SKA2: variants seen among roughly 807,000 people sequenced by gnomAD.
SKA2 encodes spindle and kinetochore associated complex subunit 2.
Under a neutral mutation model 16.9 loss-of-function variants are expected in SKA2, and 13 were observed. The observed-to-expected ratio is 0.77, with a 90% CI of 0.50 to 1.22. The LOEUF (loss-of-function observed/expected upper bound fraction) is 1.22, where lower values mean the gene tolerates loss of function less well. Ranked by LOEUF, SKA2 falls within the 50% of genes most tolerant of loss-of-function variation. The pLI is 0.00. For missense variants in SKA2, 107 were observed against 139.7 expected, an observed-to-expected ratio of 0.77 and a Z score of 1.18; for synonymous variants, 47 against 48.5, an observed-to-expected ratio of 0.97 and a Z score of 0.13.
intron 1 of SKA2, among the ~76,000 whole-genome samples, chr17:59,142,030 A>G (rs8067682): frequency 0.43 from 64,928 of 151,800 alleles, 15,815 homozygotes; most frequent in African/African-American, 0.67. Flanking sequence ...CCCAAGTTCA[A>G]AGCTGCACAC....
intron 1 of SKA2, among the ~76,000 whole-genome samples, chr17:59,143,608 A>G (rs965820304): frequency 6.6e-6 from 1 of 152,028 alleles, no homozygotes; most frequent in Non-Finnish European, 1.5e-5. Flanking sequence ...TCCTGACCTC[A>G]GGTGATCTGC....
intron 1 of SKA2, among the ~76,000 whole-genome samples, chr17:59,148,649 AT>A (rs1312130969): frequency 6.6e-6 from 1 of 151,600 alleles, no homozygotes; most frequent in African/African-American, 2.4e-5. Flanking sequence ...TACAAAAAAA[AT>A]TTTTTTAATT....
intron 1 of SKA2, among the ~76,000 whole-genome samples, chr17:59,138,185 T>C (rs868450788): frequency 6.6e-6 from 1 of 151,956 alleles, no homozygotes; most frequent in Non-Finnish European, 1.5e-5. Context: ...AAGTGGTATA[T>C]AAAATACAAA....
intron 2 of SKA2, among the ~76,000 whole-genome samples, chr17:59,127,588 T>C (rs2046380696): frequency 6.6e-6 from 1 of 152,024 alleles, no homozygotes; most frequent in African/African-American, 2.4e-5. Flanking sequence ...GGTTTCATCA[T>C]GTTAGCCAGG....
chr17:59,151,497 T>C (rs2046577298), intron 1 of SKA2, among the ~76,000 whole-genome samples: 1 of 152,200 alleles, frequency 6.6e-6, no homozygotes, highest in South Asian at 2.1e-4. Flanking sequence ...AGAATGGGTA[T>C]TGTTAATACT....
chr17:59,132,863 T>C (rs2046420435), intron 1 of SKA2, among the ~76,000 whole-genome samples: 1 of 152,238 alleles, frequency 6.6e-6, no homozygotes, highest in Admixed American at 6.5e-5. Context: ...CATGACACTA[T>C]ATTTATGACT....
At chr17:59,151,281 A>C (rs1324382210) in intron 1 of SKA2, 1 of 453,806 alleles carries the variant, frequency 2.2e-6, no homozygotes, top group Admixed American at 2.7e-5. Context: ...GTGAGAAACG[A>C]ATTTAAAGTA....
intron 1 of SKA2, among the ~76,000 whole-genome samples, chr17:59,137,137 C>T (rs1047073346): frequency 6.6e-6 from 1 of 152,138 alleles, no homozygotes; most frequent in Non-Finnish European, 1.5e-5. Context: ...CTGCCTAAGC[C>T]TCCTGAGTAG....
intron 2 of SKA2, among the ~76,000 whole-genome samples, chr17:59,121,146 C>T (rs2046330460): frequency 1.5e-5 from 2 of 129,796 alleles, no homozygotes; most frequent in African/African-American, 5.9e-5. Context: ...AGGGAGACTC[C>T]GTCTCAAAAA....
At position 59,125,754 on chromosome 17, in the gene SKA2, GA is replaced by G. The variant is rs200891024; in HGVS notation, c.120+5526del. 1.9e-3 allele frequency among the ~76,000 whole-genome samples: 281 copies of G among 151,538 alleles called. 6 individuals carry two copies. The highest frequency in any genetic ancestry group is 0.016 in the Admixed American group (249 of 15,204). On this transcript the variant is annotated intron_variant, in intron 2 of 3. Transcript: ENST00000330137. ...GCTAATGATAGTGCTGGTGATGGGAGAAAAGAAAAGCCAATATATGAACAAA... is the reference window on the plus strand; with the variant it reads ...GCTAATGATAGTGCTGGTGATGGGAGAAAGAAAAGCCAATATATGAACAAA...
intron 2 of SKA2, among the ~76,000 whole-genome samples, chr17:59,127,914 C>A (rs2046382655): frequency 1.3e-5 from 2 of 152,054 alleles, no homozygotes; most frequent in South Asian, 4.1e-4. Flanking sequence ...CAACTGATGA[C>A]TGGATAAGAA....
At chr17:59,121,875 G>A (rs561389392) in intron 2 of SKA2, among the ~76,000 whole-genome samples, 1 of 151,158 alleles carries the variant, frequency 6.6e-6, no homozygotes, top group East Asian at 1.9e-4. Flanking sequence ...GGGAGGCTGA[G>A]GTGGGAGAAT....
chr17:59,126,165 C>T (rs892161024), intron 2 of SKA2, among the ~76,000 whole-genome samples: 6 of 149,762 alleles, frequency 4.0e-5, no homozygotes, highest in Non-Finnish European at 5.9e-5. Context: ...AGCGAGACTC[C>T]GTCTCAAAAT....
chr17:59,152,664 C>A (rs1432588023), intron 1 of SKA2, among the ~76,000 whole-genome samples: 1 of 152,040 alleles, frequency 6.6e-6, no homozygotes, highest in Non-Finnish European at 1.5e-5. Flanking sequence ...GCACAGGAAT[C>A]ATTTACTCTT....
intron 2 of SKA2, among the ~76,000 whole-genome samples, chr17:59,128,536 G>A (rs916482588): frequency 4.6e-5 from 7 of 151,770 alleles, no homozygotes; most frequent in African/African-American, 1.7e-4. Flanking sequence ...TGAGGCAGGA[G>A]AGTTGCTTGA....
chr17:59,140,884 A>G (rs1229161587), intron 1 of SKA2, among the ~76,000 whole-genome samples: 1 of 151,300 alleles, frequency 6.6e-6, no homozygotes, highest in Non-Finnish European at 1.5e-5. Context: ...CAGCATCCCA[A>G]AGTGCTGGGA....
intron 2 of SKA2, among the ~76,000 whole-genome samples, chr17:59,129,778 C>T (rs892883435): frequency 1.9e-4 from 29 of 151,382 alleles, no homozygotes; most frequent in African/African-American, 6.8e-4. Flanking sequence ...TCCCTTGAAC[C>T]TGGGAGGTGG....
chr17:59,112,389 GAC>G, intron 3 of SKA2, 44 bp from the exon 4 acceptor site: 1 of 1,468,098 alleles, frequency 6.8e-7, no homozygotes. Context: ...AACTTTCAAA[GAC>G]TTAAATCAGT....
chr17:59,129,358 T>TACAC (rs57908900), intron 2 of SKA2: 11,682 of 136,690 alleles, frequency 0.085, 614 homozygotes, highest in African/African-American at 0.11. Context: ...TAAACACACA[T>TACAC]ACACACACAC....
Sources: allele counts gnomAD v4.1 joint callset (sites outside exome capture counted in the v4.1 genomes callset), GRCh38; gene constraint gnomAD v4.1.1; transcripts MANE v1.5; gene names NCBI Gene and HGNC (gene_info 2026-07-23, HGNC 2026-07-21).